The following PLB1 variants were observed in gnomAD, a reference collection of about 807,000 sequenced individuals.
PLB1 encodes the protein phospholipase B1.
Under a neutral mutation model 227.4 loss-of-function variants are expected in PLB1, and 242 were observed. That is an observed-to-expected ratio of 1.06 (90% CI 0.96 to 1.18). The LOEUF is 1.18. Ranked by LOEUF, PLB1 falls within the 50% of genes most tolerant of loss-of-function variation. The pLI, the probability that PLB1 is intolerant of heterozygous loss-of-function variation, is 0.00. For synonymous variants in PLB1, 757 were observed against 682.2 expected, an observed-to-expected ratio of 1.11 and a Z score of -1.71; for missense variants, 1,858 against 1,816.3, an observed-to-expected ratio of 1.02 and a Z score of -0.42.
chr2:28,545,300 G>T (rs1327730829), intron 14 of PLB1, among the ~76,000 whole-genome samples: 2 of 152,150 alleles, frequency 1.3e-5, no homozygotes, highest in African/African-American at 4.8e-5. Context: ...GCAGGGACAT[G>T]GGGGGCAGGG....
intron 5 of PLB1, 117 bp downstream of exon 5, chr2:28,525,424 G>A: frequency 8.7e-7 from 1 of 1,144,066 alleles, no homozygotes; most frequent in Non-Finnish European, 1.3e-6. Flanking sequence ...CTTGCTCAAG[G>A]CTACCCTCTG....
rs867884026 is a variant in PLB1, at chr2:28,614,507, G to A, written c.3195+411G>A. On this transcript the variant is annotated intron_variant, in intron 44 of 57. Transcript: ENST00000327757. ...GGGACCCAAAAGGAAGTGGAGGCAC[G>A]TTCATGTTCCTGTGGGCCCCTAGGC... Among the ~76,000 whole-genome samples, 6 of 116,294 alleles carry A rather than the reference G, an allele frequency of 5.2e-5. No homozygotes were observed. In the South Asian group the frequency reaches 6.7e-4, roughly 13 times the overall value. 76.3% of individuals were successfully genotyped at this position (116,294 alleles called of 152,430 possible). A position where few individuals can be genotyped will look rare whatever the true frequency, so the allele number is the denominator to read the frequency against.
chr2:28,537,172 G>T (rs1402520838), intron 9 of PLB1, among the ~76,000 whole-genome samples: 1 of 152,176 alleles, frequency 6.6e-6, no homozygotes, highest in East Asian at 1.9e-4. Context: ...CGGTGAAGGG[G>T]CAGAGAAACA....
At chr2:28,574,588 G>A (rs1248880201) in intron 21 of PLB1, among the ~76,000 whole-genome samples, 1 of 144,492 alleles carries the variant, frequency 6.9e-6, no homozygotes, top group African/African-American at 2.6e-5. Flanking sequence ...GTAGAGACAG[G>A]GTTTCACCAT....
intron 16 of PLB1, among the ~76,000 whole-genome samples, chr2:28,552,328 A>G (rs756228695): frequency 1.3e-5 from 2 of 152,222 alleles, no homozygotes; most frequent in Non-Finnish European, 2.9e-5. Context: ...AAAGGCCTGG[A>G]TGCAGGGAAA....
chr2:28,511,802 T>TTTTTTTTTTG (rs1668293619), intron 1 of PLB1, among the ~76,000 whole-genome samples: 1 of 151,140 alleles, frequency 6.6e-6, no homozygotes, highest in African/African-American at 2.4e-5. Context: ...TTTTTTTTTT[T>TTTTTTTTTTG]GAGATGGAGT....
At chr2:28,642,391 C>T (rs1690074774) in intron 57 of PLB1, among the ~76,000 whole-genome samples, 1 of 152,142 alleles carries the variant, frequency 6.6e-6, no homozygotes, top group Non-Finnish European at 1.5e-5. Flanking sequence ...CACGATCTGC[C>T]CACATGCCTC....
At chr2:28,608,994 C>A (rs542995860) in intron 43 of PLB1, among the ~76,000 whole-genome samples, 177 of 152,280 alleles carry the variant, frequency 1.2e-3, no homozygotes, top group African/African-American at 4.1e-3. Context: ...CAGCTCTCTG[C>A]AGCTTTCAAC....
Position 28,500,839 on chromosome 2 carries a change from C to A in PLB1, c.55+4670C>A, listed in dbSNP as rs59931222. Among the ~76,000 whole-genome samples the A allele has an allele frequency of 7.5e-3, 1,145 of 152,282 alleles. 12 individuals carry two copies. The highest frequency in any genetic ancestry group is 0.026 in the African/African-American group (1,091 of 41,548). On this transcript the variant is annotated intron_variant, in intron 1 of 57. Coordinates refer to ENST00000327757, the MANE Select transcript of PLB1 (RefSeq NM_153021.5). The stretch of plus-strand genomic sequence containing the variant: ...AGGCCTGTTATTTTTCATTTTGATG[C>A]CAAAGTTATTACAGATTTGGCCAGT...
chr2:28,632,329 T>G (rs148691562), intron 55 of PLB1, among the ~76,000 whole-genome samples, 189 bp downstream of exon 55: 182 of 152,150 alleles, frequency 1.2e-3, no homozygotes, highest in African/African-American at 4.0e-3. Context: ...CAGATGTACT[T>G]TGAAAGGAAA....
chr2:28,538,452 G>A (rs1310333144), intron 10 of PLB1, 71 bp downstream of exon 10: 2 of 1,421,914 alleles, frequency 1.4e-6, no homozygotes, highest in South Asian at 1.2e-5. Flanking sequence ...CTCCACCGGG[G>A]TGGGGAAATG....
intron 14 of PLB1, among the ~76,000 whole-genome samples, chr2:28,544,780 C>A (rs1416193250): frequency 6.6e-6 from 1 of 152,014 alleles, no homozygotes; most frequent in African/African-American, 2.4e-5. Context: ...CCTTTGTGAG[C>A]AAAGGGCATG....
chr2:28,639,642 T>C (rs906878571), intron 56 of PLB1, among the ~76,000 whole-genome samples: 12 of 152,224 alleles, frequency 7.9e-5, no homozygotes, highest in African/African-American at 2.9e-4. Context: ...CATCAAACCC[T>C]TGTAATCACG....
chr2:28,640,883 TC>T lies in PLB1; in HGVS notation c.4099-41del, dbSNP rs1202843783. The T allele has an allele frequency of 8.3e-6, 13 of 1,575,486 alleles. No homozygotes were observed. In the Admixed American group the frequency reaches 2.1e-4, roughly 25 times the overall value. ...ACACCCCCTCAGAGAGGAAAGTGTC[TC>T]CCAGCTTTGGAGAGAATCGAGGTGT... On this transcript the variant is annotated intron_variant, in intron 56 of 57. Transcript: ENST00000327757.
intron 40 of PLB1, 123 bp downstream of exon 40, chr2:28,604,170 G>A (rs890455252): frequency 1.2e-5 from 11 of 894,182 alleles, no homozygotes; most frequent in African/African-American, 4.9e-5. Context: ...GGGGAGACGG[G>A]GAGCAGCCTG....
chr2:28,540,252 C>T lies in PLB1; in HGVS notation c.699-114C>T, dbSNP rs555457287. 27 of 806,232 alleles carry T rather than the reference C, an allele frequency of 3.3e-5. No homozygotes were observed. In the African/African-American group the frequency reaches 4.2e-4, roughly 13 times the overall value. 49.9% of individuals were successfully genotyped at this position (806,232 alleles called of 1,614,324 possible). On this transcript the variant is annotated intron_variant, in intron 11 of 57. Transcript: ENST00000327757. ...CTCTAAGACTTATGCTTCTTCATCCCTACTCCTTAAGCAACTCCTATGCCC... is the reference window on the plus strand; with the variant it reads ...CTCTAAGACTTATGCTTCTTCATCCTTACTCCTTAAGCAACTCCTATGCCC...
chr2:28,529,453 G>A, intron 7 of PLB1, 46 bp downstream of exon 7: 3 of 1,443,866 alleles, frequency 2.1e-6, no homozygotes, highest in Non-Finnish European at 2.9e-6. Flanking sequence ...GTTCCTACTG[G>A]TCTTCAACAT....
intron 42 of PLB1, 90 bp from the exon 43 acceptor site, chr2:28,606,406 G>A: frequency 7.5e-7 from 1 of 1,326,638 alleles, no homozygotes; most frequent in South Asian, 1.2e-5. Flanking sequence ...CGAGTTCTGA[G>A]CTTTCCCCAC....
chr2:28,585,800 A>G lies in PLB1; in HGVS notation c.1773A>G (p.Ser591=), dbSNP rs780039753. The change falls in exon 26 of 58, where the codon TCA becomes TCG. Residue 591 remains serine (S), a synonymous_variant. Transcript: ENST00000327757. ...GTGTCCTGAAGTTTGATGATAACTC[A>G]ACAGAACTTGCTACCCTCATCGAAT... The part of the protein sequence containing the change: ...CPCVLKFDDN[S]TELATLIEFN... 2.5e-6 allele frequency: 4 copies of G among 1,612,760 alleles called. No individual in the cohort carries two copies. In the African/African-American group the frequency reaches 5.3e-5, roughly 22 times the overall value.
Sources: allele counts gnomAD v4.1 joint callset (sites outside exome capture counted in the v4.1 genomes callset), GRCh38; gene constraint gnomAD v4.1.1; transcripts MANE v1.5; gene names NCBI Gene and HGNC (gene_info 2026-07-23, HGNC 2026-07-21).